Variants in EPHA3 observed in about 807,000 individuals in gnomAD.
EPHA3 encodes the protein ephrin type-A receptor 3.
Under a neutral mutation model 107.1 loss-of-function variants are expected in EPHA3, and 42 were observed. The ratio of observed to expected loss-of-function variants is 0.39; its 90% CI spans 0.31 to 0.51. The LOEUF is 0.51. Ranked by LOEUF, EPHA3 falls within the 20% of genes least tolerant of loss-of-function variation. The pLI, the probability that EPHA3 is intolerant of heterozygous loss-of-function variation, is 0.78. For missense variants in EPHA3, 1,183 were observed against 1,211.2 expected, an observed-to-expected ratio of 0.98 and a Z score of 0.35; for synonymous variants, 461 against 424.8, an observed-to-expected ratio of 1.09 and a Z score of -1.05.
At chr3:89,246,088 A>G (rs932306813) in intron 3 of EPHA3, among the ~76,000 whole-genome samples, 1 of 152,152 alleles carries the variant, frequency 6.6e-6, no homozygotes, top group African/African-American at 2.4e-5. Context: ...AGGAATGCTG[A>G]CTATTCAAAG....
chr3:89,155,616 A>G (rs1704785539), intron 2 of EPHA3, among the ~76,000 whole-genome samples: 1 of 152,108 alleles, frequency 6.6e-6, no homozygotes, highest in African/African-American at 2.4e-5. Context: ...CATTTTCACA[A>G]TGCCAGGCTT....
intron 3 of EPHA3, among the ~76,000 whole-genome samples, chr3:89,225,218 G>A (rs755690304): frequency 1.6e-4 from 24 of 151,874 alleles, no homozygotes; most frequent in Non-Finnish European, 3.1e-4. Context: ...CTACTGCTTC[G>A]ATGCCTGTAA....
intron 2 of EPHA3, among the ~76,000 whole-genome samples, chr3:89,181,997 T>A (rs1188936150): frequency 6.6e-6 from 1 of 151,752 alleles, no homozygotes; most frequent in Non-Finnish European, 1.5e-5. Context: ...TGACCAGTGA[T>A]AATCATTTTC....
intron 3 of EPHA3, among the ~76,000 whole-genome samples, chr3:89,255,815 C>T (rs1421523959): frequency 6.6e-5 from 10 of 151,958 alleles, no homozygotes; most frequent in South Asian, 2.1e-4. Flanking sequence ...ATAGGAGAAT[C>T]GCTTGAACCC....
chr3:89,315,932 T>C (rs1706888367), intron 3 of EPHA3, among the ~76,000 whole-genome samples: 1 of 151,918 alleles, frequency 6.6e-6, no homozygotes, highest in African/African-American at 2.4e-5. Context: ...GAGGTACTTA[T>C]CAGTCAAGGG....
At chr3:89,109,696 A>G (rs1329664783) in intron 1 of EPHA3, among the ~76,000 whole-genome samples, 1 of 152,026 alleles carries the variant, frequency 6.6e-6, no homozygotes, top group East Asian at 1.9e-4. Flanking sequence ...GCCTCACCTC[A>G]TGTATGTTTG....
At chr3:89,234,450 T>C (rs1576252355) in intron 3 of EPHA3, among the ~76,000 whole-genome samples, 1 of 152,298 alleles carries the variant, frequency 6.6e-6, no homozygotes, top group East Asian at 1.9e-4. Context: ...ATGTTTTTTA[T>C]TTATATTTCA....
intron 2 of EPHA3, among the ~76,000 whole-genome samples, chr3:89,161,032 T>C (rs918324903): frequency 5.3e-5 from 8 of 152,152 alleles, no homozygotes; most frequent in Non-Finnish European, 1.0e-4. Flanking sequence ...GTAAGTCCAC[T>C]AGAAGGATGT....
At chr3:89,204,817 G>T (rs1265953844) in intron 2 of EPHA3, among the ~76,000 whole-genome samples, 1 of 152,046 alleles carries the variant, frequency 6.6e-6, no homozygotes, top group Non-Finnish European at 1.5e-5. Flanking sequence ...GACGAAGACT[G>T]GATTTTGAAA....
intron 3 of EPHA3, among the ~76,000 whole-genome samples, chr3:89,303,193 G>C (rs796614634): frequency 1.2e-4 from 18 of 152,184 alleles, no homozygotes; most frequent in African/African-American, 4.3e-4. Flanking sequence ...ACTGCACCCA[G>C]CCTCTTGGCT....
intron 5 of EPHA3, among the ~76,000 whole-genome samples, chr3:89,365,582 C>T (rs935316664): frequency 2.7e-5 from 4 of 150,630 alleles, no homozygotes; most frequent in Non-Finnish European, 5.9e-5. Flanking sequence ...GTTGCTGCAC[C>T]ATTGCTTGTT....
At chr3:89,144,525 C>A (rs531311882) in intron 2 of EPHA3, among the ~76,000 whole-genome samples, 1 of 151,834 alleles carries the variant, frequency 6.6e-6, no homozygotes, top group South Asian at 2.1e-4. Flanking sequence ...TTAATGGTAA[C>A]ATTACAACAA....
intron 3 of EPHA3, among the ~76,000 whole-genome samples, chr3:89,227,715 T>C (rs1468520545): frequency 6.6e-6 from 1 of 151,996 alleles, no homozygotes; most frequent in Admixed American, 6.6e-5. Context: ...TTATTATTTT[T>C]ATTAATTTAA....
chr3:89,166,911 GA>G lies in EPHA3; in HGVS notation c.153+39640del, dbSNP rs552937381. On this transcript the variant is annotated intron_variant, in intron 2 of 16. Coordinates refer to ENST00000336596, the MANE Select transcript of EPHA3 (RefSeq NM_005233.6). ...CCAGCAAGTATGATGTATTATTTAA[GA>G]AGGGGTTGAGTGGGGTCTTTATCTG... Among the ~76,000 whole-genome samples, 10 of 152,258 alleles carry G rather than the reference GA, an allele frequency of 6.6e-5. No homozygotes were observed. The South Asian group carries it at 2.1e-3, about 32-fold the overall frequency.
intron 3 of EPHA3, among the ~76,000 whole-genome samples, chr3:89,260,284 T>G (rs910943560): frequency 7.9e-5 from 12 of 152,192 alleles, no homozygotes; most frequent in African/African-American, 2.9e-4. Flanking sequence ...TTTTCCACAG[T>G]GTACATTTTC....
chr3:89,273,080 A>C (rs981756013), intron 3 of EPHA3, among the ~76,000 whole-genome samples: 1 of 151,956 alleles, frequency 6.6e-6, no homozygotes, highest in African/African-American at 2.4e-5. Context: ...ATGGGAAGAT[A>C]AATTTTCAAC....
intron 15 of EPHA3, among the ~76,000 whole-genome samples, chr3:89,455,606 G>A (rs138278870): frequency 1.3e-5 from 2 of 152,292 alleles, no homozygotes; most frequent in African/African-American, 4.8e-5. Context: ...AGTATGAGGA[G>A]GTGGGGGTCA....
intron 1 of EPHA3, among the ~76,000 whole-genome samples, chr3:89,118,903 T>C (rs1360357144): frequency 1.3e-5 from 2 of 151,936 alleles, no homozygotes; most frequent in Non-Finnish European, 2.9e-5. Flanking sequence ...AAATATGATA[T>C]GAATCTTTAG....
chr3:89,344,674 T>C (rs951880623), intron 5 of EPHA3, among the ~76,000 whole-genome samples: 5 of 152,294 alleles, frequency 3.3e-5, no homozygotes, highest in Non-Finnish European at 5.9e-5. Flanking sequence ...GTGACAGATA[T>C]GATGCCAGGG....
Sources: allele counts gnomAD v4.1 joint callset (sites outside exome capture counted in the v4.1 genomes callset), GRCh38; gene constraint gnomAD v4.1.1; transcripts MANE v1.5; gene names NCBI Gene and HGNC (gene_info 2026-07-23, HGNC 2026-07-21).